The following TAB1 variants were observed in gnomAD, a reference collection of about 807,000 sequenced individuals.
TAB1 encodes TGF-beta activated kinase 1 (MAP3K7) binding protein 1, also known as TGF-beta-activated kinase 1 and MAP3K7-binding protein 1.
In TAB1, 30 loss-of-function variants were observed where a neutral mutation model predicts 54.5. The observed-to-expected ratio is 0.55, with a 90% CI of 0.41 to 0.75. The LOEUF is 0.75. Ranked by LOEUF, TAB1 falls within the 30% of genes least tolerant of loss-of-function variation. The probability of loss-of-function intolerance (pLI) is 0.00; values close to 1 mark genes in which losing one functional copy is unlikely to be tolerated. For synonymous variants in TAB1, 289 were observed against 286.9 expected (o/e 1.01, Z -0.07); for missense variants, 609 against 683.2 (o/e 0.89, Z 1.21).
chr22:39,434,536 C>T (rs936078054), downstream of TAB1, among the ~76,000 whole-genome samples: 1 of 152,268 alleles, frequency 6.6e-6, no homozygotes, highest in African/African-American at 2.4e-5. Flanking sequence ...TCGGCATGAG[C>T]ACAGGCTCTG....
intron 1 of TAB1, among the ~76,000 whole-genome samples, chr22:39,412,786 G>T (rs1233048740): frequency 2.0e-5 from 3 of 151,626 alleles, no homozygotes. Flanking sequence ...TAACTTTTAA[G>T]AAGTTGCACA....
intron 1 of TAB1, among the ~76,000 whole-genome samples, chr22:39,402,300 G>A (rs1345109951): frequency 6.6e-6 from 1 of 152,112 alleles, no homozygotes; most frequent in Non-Finnish European, 1.5e-5. Context: ...ACAGGCATGA[G>A]CCACCGCATC....
intron 7 of TAB1, among the ~76,000 whole-genome samples, chr22:39,421,130 A>G (rs1312021581): frequency 2.0e-5 from 3 of 151,184 alleles, no homozygotes; most frequent in Non-Finnish European, 2.9e-5. Flanking sequence ...AGCTGTGCCT[A>G]TTTCATGCAT....
At chr22:39,428,224 C>T in intron 10 of TAB1, 41 bp downstream of exon 10, 2 of 1,397,654 alleles carry the variant, frequency 1.4e-6, no homozygotes, top group Middle Eastern at 2.3e-4. Flanking sequence ...GCCCTGTCAC[C>T]CCCGTGTGTG....
At position 39,415,061 on chromosome 22, in the gene TAB1, G is replaced by A; in HGVS notation, c.89G>A (p.Gly30Asp). 6.2e-7 allele frequency: 1 copy of A among 1,613,978 alleles called. No individual in the cohort carries two copies. The highest frequency in any genetic ancestry group is 8.5e-7 in the Non-Finnish European group (1 of 1,179,912). Reference sequence around the variant, plus strand: ...CCTCTCTGCCACCTCTCTGGGGTTGGCTCAGCCTCCAACCGCAGCTACTCT... The same window carrying A: ...CCTCTCTGCCACCTCTCTGGGGTTGACTCAGCCTCCAACCGCAGCTACTCT... ...DLPLCHLSGVGSASNRSYSAD... is the reference protein window; with the variant it reads ...DLPLCHLSGVDSASNRSYSAD... The change falls in exon 2 of 11, where the codon GGC (glycine) becomes GAC (aspartate). Residue 30 changes from glycine (G) to aspartate (D), a missense_variant. Coordinates refer to ENST00000216160, the MANE Select transcript of TAB1 (RefSeq NM_006116.3). This position sits in a 1 kb window ranked among gnomAD's most constrained non-coding sequence, Gnocchi z 4.9.
intron 1 of TAB1, among the ~76,000 whole-genome samples, chr22:39,414,024 C>T (rs930133062): frequency 1.3e-5 from 2 of 152,094 alleles, no homozygotes; most frequent in Admixed American, 6.5e-5. Flanking sequence ...GCTGTGTGAG[C>T]GTGTTTAAAG....
chr22:39,405,446 G>A (rs1034736447), intron 1 of TAB1, among the ~76,000 whole-genome samples: 7 of 152,234 alleles, frequency 4.6e-5, no homozygotes, highest in African/African-American at 1.4e-4. Context: ...TCCTGCGTTC[G>A]CTGTTGTGTG....
chr22:39,423,239 C>G (rs1927173037), intron 8 of TAB1, among the ~76,000 whole-genome samples: 2 of 152,214 alleles, frequency 1.3e-5, no homozygotes, highest in South Asian at 4.1e-4. Context: ...ATCCTCCTAC[C>G]TTGGCCTCCC....
Position 39,430,845 on chromosome 22 carries a change from G to C in TAB1, c.*623G>C. 3.0e-6 allele frequency: 3 copies of C among 990,558 alleles called. No homozygotes were observed. Among genetic ancestry groups the C allele is most frequent in the Non-Finnish European group, 3.6e-6 (3 of 832,672 alleles). 61.4% of individuals were successfully genotyped at this position (990,558 alleles called of 1,614,324 possible). A position where few individuals can be genotyped will look rare whatever the true frequency, so the allele number is the denominator to read the frequency against. On this transcript the variant is annotated 3_prime_UTR_variant, in exon 11 of 11. Coordinates refer to ENST00000216160, the MANE Select transcript of TAB1 (RefSeq NM_006116.3). ...GGCCACAGAAGGGGCAGGCCAGGTG[G>C]AAAGGAGCCAGGGGGAAGTGGTCTA... is the stretch of plus-strand genomic sequence containing the variant.
chr22:39,413,748 A>G (rs2145665389), intron 1 of TAB1, among the ~76,000 whole-genome samples: 1 of 152,306 alleles, frequency 6.6e-6, no homozygotes, highest in African/African-American at 2.4e-5. Flanking sequence ...TTTTCCTTGA[A>G]ATTGAACTGT....
intron 1 of TAB1, among the ~76,000 whole-genome samples, chr22:39,411,537 C>T (rs1926605863): frequency 6.6e-6 from 1 of 152,188 alleles, no homozygotes; most frequent in African/African-American, 2.4e-5. Flanking sequence ...TCACGATGAG[C>T]TACCACTACC....
chr22:39,417,740 G>A lies in TAB1; in HGVS notation c.441G>A (p.Gln147=), dbSNP rs1244770010. Residue 147 remains glutamine (Q), a synonymous_variant, in exon 5 of 11, where the codon CAG becomes CAA. Coordinates refer to ENST00000216160, the MANE Select transcript of TAB1 (RefSeq NM_006116.3). ...TCCCTCAGCACCAGCTGCCTCCTCA[G>A]TATCAGAAGATCCTTGAGAGACTCA... The part of the protein sequence containing the change: ...EGVPQHQLPP[Q]YQKILERLKT... 1.2e-6 allele frequency: 2 copies of A among 1,612,512 alleles called. No homozygotes were observed. Among genetic ancestry groups the A allele is most frequent in the South Asian group, 1.1e-5 (1 of 90,712 alleles).
intron 1 of TAB1, among the ~76,000 whole-genome samples, chr22:39,402,072 CAGCAG>C (rs1926168869): frequency 6.6e-6 from 1 of 152,116 alleles, no homozygotes; most frequent in African/African-American, 2.4e-5. Context: ...CCTGGGCAGA[CAGCAG>C]AGAATTTTAG....
Position 39,431,442 on chromosome 22 carries a change from T to C in TAB1, c.*1220T>C. On this transcript the variant is annotated 3_prime_UTR_variant, in exon 11 of 11. Coordinates refer to ENST00000216160, the MANE Select transcript of TAB1 (RefSeq NM_006116.3). The stretch of plus-strand genomic sequence containing the variant: ...TTGTCAGTATCCAGGACCCCCCGGA[T>C]TCTCCACGCCCTCCCCATCTCCCAG... 1.0e-6 allele frequency: 1 copy of C among 985,608 alleles called. No homozygotes were observed. The highest frequency in any genetic ancestry group is 1.2e-6 in the Non-Finnish European group (1 of 830,072). The allele number at this position is 985,608 out of a possible 1,614,324, so 61.1% of individuals were successfully genotyped here. A position where few individuals can be genotyped will look rare whatever the true frequency, so the allele number is the denominator to read the frequency against.
At chr22:39,406,412 A>G (rs1429296690) in intron 1 of TAB1, among the ~76,000 whole-genome samples, 8 of 151,656 alleles carry the variant, frequency 5.3e-5, no homozygotes, top group Admixed American at 4.6e-4. Context: ...AAAAAAAAAA[A>G]AAAAAAGGAA....
intron 8 of TAB1, among the ~76,000 whole-genome samples, chr22:39,424,817 C>G (rs1927248679): frequency 6.6e-6 from 1 of 152,066 alleles, no homozygotes; most frequent in South Asian, 2.1e-4. Flanking sequence ...CATAGAGGGA[C>G]AGGGGCTTAT....
In TAB1 at chr22:39,431,854, A is replaced by C. The variant is rs1042636145; in HGVS notation, c.*1632A>C. ...TTTTTAATGTAGTAAAGAAGTAATA[A>C]ATGGTGGCATTACACATTGTGATAT... On this transcript the variant is annotated 3_prime_UTR_variant, in exon 11 of 11. Transcript: ENST00000216160. 2.0e-6 allele frequency: 2 copies of C among 985,340 alleles called. No individual in the cohort carries two copies. Among genetic ancestry groups the C allele is most frequent in the African/African-American group, 3.5e-5 (2 of 57,250 alleles). 61.0% of individuals were successfully genotyped at this position (985,340 alleles called of 1,614,324 possible).
chr22:39,430,111 C>T lies in TAB1; in HGVS notation c.1404C>T (p.His468=). 6.2e-7 allele frequency: 1 copy of T among 1,614,084 alleles called. No homozygotes were observed. The highest frequency in any genetic ancestry group is 1.1e-5 in the South Asian group (1 of 91,088). Residue 468 remains histidine (H), a synonymous_variant, in exon 11 of 11, where the codon CAC becomes CAT. Transcript: ENST00000216160. ...GCCTCTTCCGCTCCCGGCCCGCCCA[C>T]TCGCTCCCGCCTGGCGAGGACGGTC... The part of the protein sequence containing the change: ...DGGLFRSRPA[H]SLPPGEDGRV...
intron 6 of TAB1, among the ~76,000 whole-genome samples, 178 bp from the exon 7 acceptor site, chr22:39,419,341 G>A (rs1331555234): frequency 3.3e-5 from 5 of 152,198 alleles, no homozygotes; most frequent in African/African-American, 9.7e-5. Flanking sequence ...TGATGGGCGT[G>A]GGGACTGAGG....
Sources: gnomAD v4.1 joint callset for allele counts (sites outside exome capture counted in the v4.1 genomes callset) on GRCh38, gnomAD v4.1.1 for gene constraint, Gnocchi (gnomAD v3.1) non-coding constraint, MANE v1.5 for transcripts, NCBI Gene and HGNC (gene_info 2026-07-23, HGNC 2026-07-21) for gene names.